The following PROX2 variants were observed in gnomAD, a reference collection of about 807,000 sequenced individuals.
The protein encoded by PROX2 is prospero homeobox 2, also known as prospero homeobox protein 2.
PROX2 carries 46 observed loss-of-function variants against 48.9 expected under a neutral mutation model. The ratio of observed to expected loss-of-function variants is 0.94; its 90% CI spans 0.74 to 1.20. The LOEUF (loss-of-function observed/expected upper bound fraction) is 1.20, where lower values mean the gene tolerates loss of function less well. PROX2 is among the 50% of genes most tolerant of loss of function. PROX2 has a pLI of 0.00. For synonymous variants in PROX2, 260 were observed against 276.6 expected, an observed-to-expected ratio of 0.94 and a Z score of 0.60; for missense variants, 663 against 719.4, an observed-to-expected ratio of 0.92 and a Z score of 0.90.
intron 2 of PROX2, among the ~76,000 whole-genome samples, chr14:74,868,441 A>T (rs1256190422): frequency 6.7e-6 from 1 of 149,336 alleles, no homozygotes; most frequent in Non-Finnish European, 1.5e-5. Context: ...AATCTACAGC[A>T]ACGTTGTGAA....
chr14:74,871,989 G>A (rs1883227230), intron 1 of PROX2: 1 of 152,380 alleles, frequency 6.6e-6, no homozygotes, highest in African/African-American at 2.4e-5. Context: ...CTGCCCAAGT[G>A]GGACAAAGGG....
At position 74,873,938 on chromosome 14, in the gene PROX2, T is replaced by C. The variant is rs929741220; in HGVS notation, c.-310+1957A>G. The C allele has an allele frequency of 2.7e-5, 13 of 477,582 alleles. No individual in the cohort carries two copies. In the East Asian group the frequency reaches 7.6e-4, roughly 28 times the overall value. The allele number at this position is 477,582 out of a possible 1,614,324, so 29.6% of individuals were successfully genotyped here. On this transcript the variant is annotated intron_variant, in intron 1 of 5. Coordinates refer to ENST00000556489, the MANE Select transcript of PROX2 (RefSeq NM_001243007.2). The stretch of plus-strand genomic sequence containing the variant: ...GTGTTGGATTTGACAGAGATGAAGA[T>C]GTATTGGAAATAGTTAATAGGAATG...
rs1043790600 is a variant in PROX2, at chr14:74,862,449, C to T, written c.1305+81G>A. 1.4e-5 allele frequency: 21 copies of T among 1,495,156 alleles called. No homozygotes were observed. In the Middle Eastern group the frequency reaches 1.8e-3, roughly 132 times the overall value. The allele number at this position is 1,495,156 out of a possible 1,614,324, so 92.6% of individuals were successfully genotyped here. The stretch of plus-strand genomic sequence containing the variant: ...CCTCAAGTAATCCTCCCACCTTGGC[C>T]TCCCAAAGCACTGGGATTACAAGCA... On this transcript the variant is annotated intron_variant, in intron 3 of 5. Coordinates refer to ENST00000556489, the MANE Select transcript of PROX2 (RefSeq NM_001243007.2).
chr14:74,855,136 T>G lies in PROX2; in HGVS notation c.1775A>C (p.Gln592Pro). Residue 592 changes from glutamine to proline, a missense_variant, in exon 6 of 6, where the codon CAG becomes CCG. Physicochemically the swap from Gln to Pro is moderately conservative, Grantham distance 76. Transcript: ENST00000556489. The part of the protein sequence containing the change: ...PEIFKSSSYP[Q>P] Reference sequence around the variant, plus strand: ...GGGATCTTAACCCCGAAACAGCTACTGGGGATAGCTGGAAGATTTGAATAT... The same window carrying G: ...GGGATCTTAACCCCGAAACAGCTACGGGGGATAGCTGGAAGATTTGAATAT... 1 of 1,554,056 alleles carries G rather than the reference T, an allele frequency of 6.4e-7. No individual in the cohort carries two copies. The highest frequency in any genetic ancestry group is 8.8e-7 in the Non-Finnish European group (1 of 1,139,706).
chr14:74,870,096 T>TG (rs200164593), intron 2 of PROX2, among the ~76,000 whole-genome samples: 3,477 of 150,532 alleles, frequency 0.023, 104 homozygotes, highest in African/African-American at 0.07. Flanking sequence ...AAAACTGGAG[T>TG]GGGGGGGTAA....
chr14:74,871,630 C>A (rs906462068), intron 1 of PROX2, among the ~76,000 whole-genome samples: 2 of 152,018 alleles, frequency 1.3e-5, no homozygotes, highest in African/African-American at 4.8e-5. Flanking sequence ...AAAAATTAAC[C>A]AGATGTGGTG....
intron 3 of PROX2, 83 bp from the exon 4 acceptor site, chr14:74,858,597 A>G (rs1594858527): frequency 9.5e-6 from 7 of 737,650 alleles, no homozygotes; most frequent in Admixed American, 7.9e-5. Flanking sequence ...TGTGGTTTCT[A>G]TTTGATTTCA....
In PROX2 at chr14:74,858,494, A is replaced by G. The variant is rs1175011328; in HGVS notation, c.1326T>C (p.Pro442=). 1.3e-6 allele frequency: 2 copies of G among 1,576,762 alleles called. No homozygotes were observed. The highest frequency in any genetic ancestry group is 1.7e-6 in the Non-Finnish European group (2 of 1,159,086). The change falls in exon 4 of 6, where the codon CCT becomes CCC. Residue 442 remains proline (P), a synonymous_variant. Transcript: ENST00000556489. ...SLVHIQEGLN[P]GHLKKAKLMF... ...TTAGTTTGGCCTTCTTCAAGTGACC[A>G]GGGTTTAGACCCTCCTGGATTTATC...
Position 74,863,551 on chromosome 14 carries a change from C to G in PROX2, c.284G>C (p.Cys95Ser). ...CTTCCTCTCTCGGGCCTTCTTTGGG[C>G]AGCGTGGGCTGACCCCAGCTTGCGC... ...GNAQAGVSPR[C>S]PKKARERKRK... is the part of the protein sequence containing the mutation. The change falls in exon 3 of 6, where the codon TGC (cysteine) becomes TCC (serine). Residue 95 changes from cysteine (C) to serine (S), a missense_variant. Cys to Ser is a moderately radical substitution (Grantham distance 112). Coordinates refer to ENST00000556489, the MANE Select transcript of PROX2 (RefSeq NM_001243007.2). 1 of 1,613,406 alleles carries G rather than the reference C, an allele frequency of 6.2e-7. No individual in the cohort carries two copies. Among genetic ancestry groups the G allele is most frequent in the Non-Finnish European group, 8.5e-7 (1 of 1,179,648 alleles).
chr14:74,870,437 A>C (rs1433667345), intron 2 of PROX2, among the ~76,000 whole-genome samples: 3 of 27,310 alleles, frequency 1.1e-4, no homozygotes, highest in Non-Finnish European at 1.8e-4. Flanking sequence ...AAAAAAAAAA[A>C]AAATACACAC....
chr14:74,853,373 A>C lies in PROX2; in HGVS notation c.*1759T>G, dbSNP rs944242245. 6.6e-6 allele frequency: 1 copy of C among 152,094 alleles called. No homozygotes were observed. Among genetic ancestry groups the C allele is most frequent in the Non-Finnish European group, 1.5e-5 (1 of 68,028 alleles). The allele number at this position is 152,094 out of a possible 1,614,324, so 9.4% of individuals were successfully genotyped here. A position where few individuals can be genotyped will look rare whatever the true frequency, so the allele number is the denominator to read the frequency against. On this transcript the variant is annotated 3_prime_UTR_variant, in exon 6 of 6. Transcript: ENST00000556489. Reference sequence around the variant, plus strand: ...AAAACTGATTGCCCTTGCTCAGAGCACTCCATGCTTGCCTGTGTTTAAAAC... The same window carrying C: ...AAAACTGATTGCCCTTGCTCAGAGCCCTCCATGCTTGCCTGTGTTTAAAAC...
chr14:74,856,192 C>T (rs1368791509), intron 5 of PROX2: 1 of 152,348 alleles, frequency 6.6e-6, no homozygotes, highest in Non-Finnish European at 1.5e-5. Flanking sequence ...CAACATGCAT[C>T]TCTTGATTAG....
At chr14:74,872,783 C>T (rs907752737) in intron 1 of PROX2, among the ~76,000 whole-genome samples, 6 of 152,204 alleles carry the variant, frequency 3.9e-5, no homozygotes, top group Non-Finnish European at 8.8e-5. Context: ...CTGGTCCAGC[C>T]CTGAACAGGC....
In PROX2 at chr14:74,858,448, G is replaced by A. The variant is rs756820499; in HGVS notation, c.1372C>T (p.Pro458Ser). Reference protein sequence around the residue: ...AKLMFFFTRYPSSNLLKVYFP... With the variant: ...AKLMFFFTRYSSSNLLKVYFP... ...TAAACCTTCAGGAGGTTGGAGCTGG[G>A]ATATCGTGTGAAGAAAAACATTAGT... The change falls in exon 4 of 6, where the codon CCC (proline) becomes TCC (serine). Residue 458 changes from proline to serine, a missense_variant. Transcript: ENST00000556489. The A allele has an allele frequency of 1.3e-6, 2 of 1,585,282 alleles. No homozygotes were observed. The highest frequency in any genetic ancestry group is 1.7e-6 in the Non-Finnish European group (2 of 1,164,488).
intron 4 of PROX2, 98 bp from the exon 5 acceptor site, chr14:74,857,093 C>G: frequency 1.1e-6 from 1 of 911,586 alleles, no homozygotes; most frequent in South Asian, 1.8e-5. Context: ...TCATATACGG[C>G]TTTAACCAGC....
rs911713665 is a variant in PROX2 at position 74,858,669 on chromosome 14, C to G, written c.1306-155G>C. 5.1e-6 allele frequency: 3 copies of G among 582,652 alleles called. No individual in the cohort carries two copies. In the African/African-American group the frequency reaches 5.6e-5, roughly 11 times the overall value. 36.1% of individuals were successfully genotyped at this position (582,652 alleles called of 1,614,324 possible). On this transcript the variant is annotated intron_variant, in intron 3 of 5. Coordinates refer to ENST00000556489, the MANE Select transcript of PROX2 (RefSeq NM_001243007.2). The stretch of plus-strand genomic sequence containing the variant: ...TTTTTCTGTCTCTGGAAACTCTGGT[C>G]AAATAAGCTGGATGACATATGTGCA...
Position 74,863,977 on chromosome 14 carries a change from T to C in PROX2, c.-143A>G. On this transcript the variant is annotated 5_prime_UTR_variant, in exon 3 of 6. Transcript: ENST00000556489. ...CTGAGGAAGGATTCAGATTCTGGGA[T>C]GCCAGGGCTCATGAACCTCCTGGGC... 6.3e-6 allele frequency: 7 copies of C among 1,106,362 alleles called. No individual in the cohort carries two copies. The highest frequency in any genetic ancestry group is 8.2e-6 in the Non-Finnish European group (7 of 857,144). The allele number at this position is 1,106,362 out of a possible 1,614,324, so 68.5% of individuals were successfully genotyped here.
chr14:74,857,216 T>A (rs1227494099), intron 4 of PROX2: 3 of 453,470 alleles, frequency 6.6e-6, no homozygotes, highest in African/African-American at 5.8e-5. Context: ...GAACATAACT[T>A]TTTTTTGATA....
chr14:74,856,934 T>C lies in PROX2; in HGVS notation c.1475A>G (p.Tyr492Cys), dbSNP rs370636794. 197 of 1,613,898 alleles carry C rather than the reference T, an allele frequency of 1.2e-4. No individual in the cohort carries two copies. The highest frequency in any genetic ancestry group is 1.6e-4 in the Non-Finnish European group (191 of 1,179,886). Residue 492 changes from tyrosine (Y) to cysteine (C), a missense_variant, in exon 5 of 6, where the codon TAC becomes TGC. By Grantham distance (194) the Tyr-to-Cys change is radical. Coordinates refer to ENST00000556489, the MANE Select transcript of PROX2 (RefSeq NM_001243007.2). The part of the protein sequence containing the change: ...KWFSNFREFY[Y>C]IQMEKSARQA... Reference sequence around the variant, plus strand: ...CCGGGCAGATTTTTCCATTTGGATGTAATAAAACTCACGAAAGTTGCTGAA... The same window carrying C: ...CCGGGCAGATTTTTCCATTTGGATGCAATAAAACTCACGAAAGTTGCTGAA...
Sources: gnomAD v4.1 joint callset for allele counts (sites outside exome capture counted in the v4.1 genomes callset) on GRCh38, gnomAD v4.1.1 for gene constraint, MANE v1.5 for transcripts, NCBI Gene and HGNC (gene_info 2026-07-23, HGNC 2026-07-21) for gene names.